The following CRYBG1 variants were observed in gnomAD, a reference collection of about 807,000 sequenced individuals.
The protein encoded by CRYBG1 is beta/gamma crystallin domain-containing protein 1.
Under a neutral mutation model 189.2 loss-of-function variants are expected in CRYBG1, and 139 were observed. That is an observed-to-expected ratio of 0.73 (90% CI 0.64 to 0.85). The LOEUF is 0.85. Ranked by LOEUF, CRYBG1 falls within the 40% of genes least tolerant of loss-of-function variation. CRYBG1 has a pLI of 0.00. For synonymous variants in CRYBG1, 1,023 were observed against 1,017.1 expected, an observed-to-expected ratio of 1.01 and a Z score of -0.11; for missense variants, 2,611 against 2,675.8, an observed-to-expected ratio of 0.98 and a Z score of 0.53.
intron 1 of CRYBG1, 26 bp downstream of exon 1, chr6:106,361,107 G>A (rs1183443623): frequency 6.5e-7 from 1 of 1,530,770 alleles, no homozygotes. Context: ...GAGCCCTCCA[G>A]TCCCACCTCC....
At chr6:106,525,584 T>C (rs146968460) in intron 6 of CRYBG1, among the ~76,000 whole-genome samples, 198 bp downstream of exon 6, 1 of 152,346 alleles carries the variant, frequency 6.6e-6, no homozygotes, top group Non-Finnish European at 1.5e-5. Context: ...CAGTGATATA[T>C]GTTTATGGGA....
intron 2 of CRYBG1, among the ~76,000 whole-genome samples, chr6:106,496,883 GC>G (rs1772863719): frequency 6.6e-6 from 1 of 152,168 alleles, no homozygotes; most frequent in Non-Finnish European, 1.5e-5. Flanking sequence ...TGCTGCCTGT[GC>G]CTCCAGGTGT....
intron 1 of CRYBG1, among the ~76,000 whole-genome samples, chr6:106,365,351 T>G (rs1233887645): frequency 6.6e-6 from 1 of 150,438 alleles, no homozygotes; most frequent in East Asian, 2.0e-4. Flanking sequence ...CACTTGAACC[T>G]GGGAGGTGGA....
chr6:106,483,378 G>GTGTGTGTGTATATATATATA (rs1347885031), intron 2 of CRYBG1, among the ~76,000 whole-genome samples: 1 of 113,694 alleles, frequency 8.8e-6, no homozygotes, highest in African/African-American at 2.7e-5. Context: ...GTGTGTGTGT[G>GTGTGTGTGTATATATATATA]TATATATATA....
At chr6:106,444,375 C>T (rs952545728) in intron 1 of CRYBG1, among the ~76,000 whole-genome samples, 1 of 152,186 alleles carries the variant, frequency 6.6e-6, no homozygotes, top group Admixed American at 6.5e-5. Flanking sequence ...TGTGCAATCA[C>T]GCGTGAAACA....
intron 1 of CRYBG1, among the ~76,000 whole-genome samples, chr6:106,390,631 A>G (rs1770482162): frequency 6.6e-6 from 1 of 152,202 alleles, no homozygotes; most frequent in African/African-American, 2.4e-5. Flanking sequence ...TCTGACTTCC[A>G]TTCACCGTAG....
At chr6:106,387,520 A>G (rs907118693) in intron 1 of CRYBG1, among the ~76,000 whole-genome samples, 2 of 152,180 alleles carry the variant, frequency 1.3e-5, no homozygotes, top group Non-Finnish European at 2.9e-5. Context: ...TTTTTGCTCA[A>G]CAGGTACTAA....
At chr6:106,543,666 C>A in intron 11 of CRYBG1, 69 bp downstream of exon 11, 1 of 1,500,126 alleles carries the variant, frequency 6.7e-7, no homozygotes, top group Non-Finnish European at 9.1e-7. Flanking sequence ...TGTGCCCTTT[C>A]CCCCCTAAAA....
chr6:106,566,534 C>T (rs977320970), intron 21 of CRYBG1, among the ~76,000 whole-genome samples: 3 of 125,170 alleles, frequency 2.4e-5, no homozygotes, highest in African/African-American at 6.1e-5. Flanking sequence ...TGCAATGACA[C>T]GATCTCGGCT....
At chr6:106,494,612 T>C (rs923216406) in intron 2 of CRYBG1, among the ~76,000 whole-genome samples, 1 of 152,212 alleles carries the variant, frequency 6.6e-6, no homozygotes, top group African/African-American at 2.4e-5. Flanking sequence ...TGTAACTTGC[T>C]ATCAAGTACT....
At chr6:106,379,243 C>A (rs936332803) in intron 1 of CRYBG1, among the ~76,000 whole-genome samples, 4 of 151,718 alleles carry the variant, frequency 2.6e-5, no homozygotes, top group African/African-American at 9.7e-5. Context: ...AAAATAATAA[C>A]CTTTGTTTTC....
chr6:106,443,929 AC>A (rs1771610456), intron 1 of CRYBG1, among the ~76,000 whole-genome samples: 1 of 152,044 alleles, frequency 6.6e-6, no homozygotes, highest in African/African-American at 2.4e-5. Flanking sequence ...GACTGTAGTC[AC>A]CCTGTTGTGC....
intron 1 of CRYBG1, among the ~76,000 whole-genome samples, chr6:106,423,251 G>GTTTTTTT (rs5878887): frequency 1.2e-5 from 1 of 80,870 alleles, no homozygotes; most frequent in Non-Finnish European, 2.3e-5. Flanking sequence ...GAGTTGGCTG[G>GTTTTTTT]TTTTTTTTTT....
intron 1 of CRYBG1, among the ~76,000 whole-genome samples, chr6:106,365,548 C>T (rs1227414232): frequency 6.6e-6 from 1 of 151,444 alleles, no homozygotes; most frequent in Non-Finnish European, 1.5e-5. Flanking sequence ...CTTGGCCTCC[C>T]AAGTGCTAGG....
chr6:106,558,502 C>G lies in CRYBG1; in HGVS notation c.5732C>G (p.Thr1911Arg). The G allele has an allele frequency of 6.3e-7, 1 of 1,599,992 alleles. No homozygotes were observed. Among genetic ancestry groups the G allele is most frequent in the Non-Finnish European group, 8.5e-7 (1 of 1,171,476 alleles). Residue 1911 changes from threonine (T) to arginine (R), a missense_variant, in exon 18 of 22, where the codon ACA (threonine) becomes AGA (arginine). This residue lies in a region of CRYBG1 where 1,622 missense variants were observed against 1,735.0 expected (regional missense o/e 0.93). Transcript: ENST00000633556. ...CCTCAACAGGAATTTTCTGAACCAA[C>G]AATTATTCTCTTTGAAAGAGAAGAC... ...RFIDVEFSEP[T>R]IILFEREDFK...
chr6:106,495,366 T>C (rs1352376800), intron 2 of CRYBG1, among the ~76,000 whole-genome samples: 1 of 152,192 alleles, frequency 6.6e-6, no homozygotes, highest in East Asian at 1.9e-4. Context: ...TTACTTCCCA[T>C]ATTCTCTTGG....
rs556991966 is a variant in CRYBG1 at position 106,525,453 on chromosome 6, G to A, written c.4412+67G>A. 21 of 1,222,796 alleles carry A rather than the reference G, an allele frequency of 1.7e-5. 1 individual carries two copies. In the South Asian group the frequency reaches 2.5e-4, roughly 15 times the overall value. The allele number at this position is 1,222,796 out of a possible 1,614,324, so 75.7% of individuals were successfully genotyped here. A position where few individuals can be genotyped will look rare whatever the true frequency, so the allele number is the denominator to read the frequency against. On this transcript the variant is annotated intron_variant, in intron 6 of 21. Transcript: ENST00000633556. ...TTTTACATACTTAATTAACTTTTTA[G>A]TCCTCACTACTAGTTTAAAATTATG...
chr6:106,543,577 T>C lies in CRYBG1; in HGVS notation c.5019T>C (p.Ser1673=). 1 of 1,613,990 alleles carries C rather than the reference T, an allele frequency of 6.2e-7. No homozygotes were observed. Among genetic ancestry groups the C allele is most frequent in the Non-Finnish European group, 8.5e-7 (1 of 1,179,912 alleles). ...DDHLPFTSVG[S]MKVLRGIWVA... ...ATTTGCCGTTTACGTCAGTGGGGTCTATGAAAGTTCTAAGAGGCATGTAAG... is the reference window on the plus strand; with the variant it reads ...ATTTGCCGTTTACGTCAGTGGGGTCCATGAAAGTTCTAAGAGGCATGTAAG... Residue 1673 remains serine, a synonymous_variant, in exon 11 of 22, where the codon TCT becomes TCC. Transcript: ENST00000633556.
chr6:106,557,075 T>A (rs1481381949), intron 17 of CRYBG1, among the ~76,000 whole-genome samples: 1 of 152,236 alleles, frequency 6.6e-6, no homozygotes, highest in Non-Finnish European at 1.5e-5. Flanking sequence ...GAAGACTACA[T>A]ATCTTTGTGA....
Sources: gnomAD v4.1 joint callset for allele counts (sites outside exome capture counted in the v4.1 genomes callset) on GRCh38, gnomAD v4.1.1 for gene constraint, gnomAD v4.1.1 regional missense constraint, MANE v1.5 for transcripts, NCBI Gene and HGNC (gene_info 2026-07-23, HGNC 2026-07-21) for gene names.